The following TMEM63C variants were observed in gnomAD, a reference collection of about 807,000 sequenced individuals.
TMEM63C encodes osmosensitive cation channel TMEM63C.
Under a neutral mutation model 99.2 loss-of-function variants are expected in TMEM63C, and 32 were observed. The ratio of observed to expected loss-of-function variants is 0.32; its 90% CI spans 0.24 to 0.43. TMEM63C has a LOEUF of 0.43. Ranked by LOEUF, TMEM63C falls within the 20% of genes least tolerant of loss-of-function variation. TMEM63C has a pLI of 1.00. For missense variants in TMEM63C, 826 were observed against 1,053.0 expected (o/e 0.78, Z 2.98); for synonymous variants, 376 against 397.9 (o/e 0.94, Z 0.66).
intron 9 of TMEM63C, among the ~76,000 whole-genome samples, chr14:77,237,128 C>T (rs1159409376): frequency 2.0e-5 from 3 of 152,058 alleles, no homozygotes; most frequent in Non-Finnish European, 4.4e-5. Context: ...ATCCCTGCCC[C>T]TCTGCTGCCC....
chr14:77,233,209 T>C (rs1352287273), intron 7 of TMEM63C, among the ~76,000 whole-genome samples: 2 of 152,156 alleles, frequency 1.3e-5, no homozygotes, highest in Non-Finnish European at 2.9e-5. Context: ...AATTATGCCC[T>C]GGAGATACCA....
chr14:77,240,479 A>T lies in TMEM63C; in HGVS notation c.935A>T (p.Asp312Val). The change falls in exon 13 of 24, where the codon GAT becomes GTT. Residue 312 changes from aspartate to valine, a missense_variant. Coordinates refer to ENST00000298351, the MANE Select transcript of TMEM63C (RefSeq NM_020431.4). ...GAAGGCTGCCTGCCACCCCAGGTGG[A>T]TGCAGAGCAGTATTACAGCGAGCTA... ...CKCWTCFKEV[D>V]AEQYYSELEE... 6.2e-7 allele frequency: 1 copy of T among 1,609,160 alleles called. No individual in the cohort carries two copies. The highest frequency in any genetic ancestry group is 1.1e-5 in the South Asian group (1 of 90,956).
intron 3 of TMEM63C, 116 bp downstream of exon 3, chr14:77,219,079 A>C: frequency 3.3e-6 from 4 of 1,209,590 alleles, no homozygotes; most frequent in Non-Finnish European, 3.3e-6. Flanking sequence ...CATTGATACA[A>C]ACTGCCTGAA....
rs769271740 is a variant in TMEM63C at position 77,242,350 on chromosome 14, C to T, written c.1068C>T (p.Val356=). ...TFQDSRMAKR[V]RKDYKYVQCG... ...TCCTCTTCTCCCCTCTCTGCAGTGT[C>T]CGTAAGGATTACAAGTATGTCCAGT... The change falls in exon 14 of 24, where the codon GTC becomes GTT. Residue 356 remains valine (V), a synonymous_variant. Transcript: ENST00000298351. 1.2e-6 allele frequency: 2 copies of T among 1,605,844 alleles called. No homozygotes were observed. Among genetic ancestry groups the T allele is most frequent in the African/African-American group, 2.7e-5 (2 of 74,524 alleles).
In TMEM63C at chr14:77,218,784, T is replaced by C. The variant is rs202194508; in HGVS notation, c.-13-17T>C. On this transcript the variant is annotated splice_polypyrimidine_tract_variant and intron_variant, in intron 2 of 23. Coordinates refer to ENST00000298351, the MANE Select transcript of TMEM63C (RefSeq NM_020431.4). ...AGGGAGTCTTTGCATCTGACCTGGA[T>C]GCCCTCTGTTTCCCAGGGATCCTCC... 2 of 1,611,648 alleles carry C rather than the reference T, an allele frequency of 1.2e-6. No individual in the cohort carries two copies. The highest frequency in any genetic ancestry group is 3.4e-5 in the Admixed American group (2 of 59,626).
intron 22 of TMEM63C, among the ~76,000 whole-genome samples, chr14:77,252,854 C>T (rs182020695): frequency 8.3e-4 from 127 of 152,294 alleles, no homozygotes; most frequent in Middle Eastern, 3.4e-3. Flanking sequence ...TGAAGGACCC[C>T]GCTGACTCTG....
intron 1 of TMEM63C, among the ~76,000 whole-genome samples, chr14:77,198,545 C>T (rs1230334913): frequency 1.3e-5 from 2 of 152,206 alleles, no homozygotes; most frequent in Admixed American, 1.3e-4. Flanking sequence ...ATGGAGAGGG[C>T]ACTTGGGAAT....
chr14:77,194,512 T>TCTTC (rs1888174156), intron 1 of TMEM63C, among the ~76,000 whole-genome samples: 2 of 39,770 alleles, frequency 5.0e-5, no homozygotes, highest in Non-Finnish European at 4.8e-5. Context: ...TTTCTTTCTT[T>TCTTC]CTTTCTTTCT....
chr14:77,198,749 G>T (rs538145192), intron 1 of TMEM63C, among the ~76,000 whole-genome samples: 39 of 152,330 alleles, frequency 2.6e-4, no homozygotes, highest in African/African-American at 8.4e-4. Flanking sequence ...GCAAGGATGG[G>T]AAGTGCAGGA....
At chr14:77,207,872 C>T (rs1339152682) in intron 1 of TMEM63C, among the ~76,000 whole-genome samples, 1 of 152,144 alleles carries the variant, frequency 6.6e-6, no homozygotes, top group Non-Finnish European at 1.5e-5. Context: ...TTCCTTTTTT[C>T]AGTGTACTTC....
At chr14:77,192,182 A>G (rs1888121745) in intron 1 of TMEM63C, among the ~76,000 whole-genome samples, 1 of 152,144 alleles carries the variant, frequency 6.6e-6, no homozygotes, top group South Asian at 2.1e-4. Flanking sequence ...GTGAGCCTTT[A>G]CATCTAAGGT....
At chr14:77,185,360 G>C (rs981333037) in intron 1 of TMEM63C, among the ~76,000 whole-genome samples, 1 of 152,184 alleles carries the variant, frequency 6.6e-6, no homozygotes, top group Non-Finnish European at 1.5e-5. Context: ...AAACCAAACT[G>C]TCCCCTCCCC....
At chr14:77,207,564 A>G (rs1476044053) in intron 1 of TMEM63C, among the ~76,000 whole-genome samples, 1 of 152,230 alleles carries the variant, frequency 6.6e-6, no homozygotes, top group African/African-American at 2.4e-5. Flanking sequence ...GGAGGCAGAC[A>G]CTTAGATTCT....
At chr14:77,202,289 T>TACACACAC (rs59017859) in intron 1 of TMEM63C, among the ~76,000 whole-genome samples, 59,446 of 149,504 alleles carry the variant, frequency 0.4, 12,168 homozygotes, top group East Asian at 0.61. Flanking sequence ...CATACTCAGA[T>TACACACAC]ACACACACAC....
intron 23 of TMEM63C, among the ~76,000 whole-genome samples, chr14:77,254,275 G>C (rs765430503): frequency 2.6e-5 from 4 of 152,140 alleles, no homozygotes; most frequent in Non-Finnish European, 5.9e-5. Flanking sequence ...GGGAGACAAG[G>C]CTTTCTTTAG....
Position 77,244,334 on chromosome 14 carries a change from CCT to C in TMEM63C, c.1342-11_1342-10del. On this transcript the variant is annotated splice_polypyrimidine_tract_variant and intron_variant, in intron 15 of 23. Coordinates refer to ENST00000298351, the MANE Select transcript of TMEM63C (RefSeq NM_020431.4). ...ATTGACGTCTCTCCTGCCGTCCTCC[CCT>C]CTCCCCCTGCAGAACCCAATTGTGA... The C allele has an allele frequency of 6.3e-7, 1 of 1,598,928 alleles. No homozygotes were observed. Among genetic ancestry groups the C allele is most frequent in the Non-Finnish European group, 8.6e-7 (1 of 1,166,580 alleles).
intron 23 of TMEM63C, among the ~76,000 whole-genome samples, 171 bp from the exon 24 acceptor site, chr14:77,256,355 G>T (rs913509260): frequency 7.2e-5 from 11 of 152,218 alleles, no homozygotes; most frequent in Non-Finnish European, 1.5e-4. Context: ...AAATGATCAA[G>T]AACAATTAGG....
intron 15 of TMEM63C, among the ~76,000 whole-genome samples, chr14:77,244,070 T>C (rs1406411763): frequency 6.6e-6 from 1 of 152,082 alleles, no homozygotes; most frequent in Non-Finnish European, 1.5e-5. Context: ...TTGCTGGGGT[T>C]GCACTCCTGG....
intron 7 of TMEM63C, among the ~76,000 whole-genome samples, 194 bp from the exon 8 acceptor site, chr14:77,233,258 G>A (rs1335679553): frequency 1.3e-5 from 2 of 152,160 alleles, no homozygotes; most frequent in East Asian, 3.8e-4. Flanking sequence ...GAGAGCCCCA[G>A]TCAGCAGTGC....
Sources: allele counts gnomAD v4.1 joint callset (sites outside exome capture counted in the v4.1 genomes callset), GRCh38; gene constraint gnomAD v4.1.1; transcripts MANE v1.5; gene names NCBI Gene and HGNC (gene_info 2026-07-23, HGNC 2026-07-21).